USH2A: variants seen among roughly 807,000 people sequenced by gnomAD.
USH2A encodes the protein usherin, also known as Usher syndrome 2A (autosomal recessive, mild).
Under a neutral mutation model 538.9 loss-of-function variants are expected in USH2A, and 443 were observed. The ratio of observed to expected loss-of-function variants is 0.82; its 90% confidence interval spans 0.76 to 0.89. USH2A has a LOEUF of 0.89. Among genes scored for constraint, USH2A ranks in the 40% least tolerant of loss-of-function variants. USH2A has a pLI of 0.00. For missense variants in USH2A, 6,633 were observed against 6,324.8 expected (o/e 1.05, Z -1.65); for synonymous variants, 2,413 against 2,273.5 (o/e 1.06, Z -1.75).
chr1:216,122,035 G>T (rs902197224), intron 21 of USH2A, among the ~76,000 whole-genome samples: 1 of 152,074 alleles, frequency 6.6e-6, no homozygotes. Flanking sequence ...AAAAAGGACC[G>T]CAAACACAAA....
intron 21 of USH2A, among the ~76,000 whole-genome samples, chr1:216,162,511 A>C (rs2034079902): frequency 6.6e-6 from 1 of 152,100 alleles, no homozygotes; most frequent in Non-Finnish European, 1.5e-5. Context: ...GATGACGCAT[A>C]GTAAAACCTC....
intron 43 of USH2A, among the ~76,000 whole-genome samples, chr1:215,869,175 C>T (rs990000882): frequency 3.9e-5 from 6 of 152,036 alleles, no homozygotes; most frequent in African/African-American, 1.4e-4. Context: ...ATAAGAAAAA[C>T]AAGGCTCAGA....
chr1:216,045,951 T>C (rs1004398476), intron 32 of USH2A, among the ~76,000 whole-genome samples: 7 of 151,466 alleles, frequency 4.6e-5, no homozygotes, highest in Admixed American at 4.6e-4. Context: ...GAGATAAAAA[T>C]AAGCAACCCA....
chr1:216,161,611 G>A (rs986417718), intron 21 of USH2A, among the ~76,000 whole-genome samples: 3 of 151,854 alleles, frequency 2.0e-5, no homozygotes, highest in African/African-American at 7.3e-5. Context: ...CATTTCTAGA[G>A]GTTTGCACTC....
chr1:215,952,528 T>C (rs944753222), intron 37 of USH2A, among the ~76,000 whole-genome samples: 1 of 152,232 alleles, frequency 6.6e-6, no homozygotes, highest in Non-Finnish European at 1.5e-5. Context: ...TGGTTGTTCC[T>C]TTCCATGTTG....
rs534779006 is a variant in USH2A, at chr1:216,390,902, T to C, written c.652-25817A>G. Among the ~76,000 whole-genome samples, 10 of 152,324 alleles carry C rather than the reference T, an allele frequency of 6.6e-5. No homozygotes were observed. The South Asian group carries it at 2.1e-3, about 32-fold the overall frequency. On this transcript the variant is annotated intron_variant, in intron 3 of 71. Coordinates refer to ENST00000307340, the MANE Select transcript of USH2A (RefSeq NM_206933.4). ...ATTAAAACTGGAGGGGTGCAAGTTA[T>C]TTTTATTAAAATAATTAAATTGAAT...
intron 21 of USH2A, among the ~76,000 whole-genome samples, chr1:216,152,578 C>T (rs1217839655): frequency 6.6e-6 from 1 of 152,166 alleles, no homozygotes; most frequent in Non-Finnish European, 1.5e-5. Flanking sequence ...ACCCTTATCT[C>T]CCTTCACTGA....
In USH2A at chr1:215,680,170, C is replaced by T. The variant is rs751834009; in HGVS notation, c.12273G>A (p.Met4091Ile). 19 of 1,614,002 alleles carry T rather than the reference C, an allele frequency of 1.2e-5. No individual in the cohort carries two copies. Among genetic ancestry groups the T allele is most frequent in the Admixed American group, 6.7e-5 (4 of 59,992 alleles). The change falls in exon 62 of 72, where the codon ATG (methionine) becomes ATA (isoleucine). Residue 4091 changes from methionine to isoleucine, a missense_variant. Transcript: ENST00000307340. ...TTACCTTAATCACACCATTGGTTCTCATAGGTTCTGACCACTGTAGTAGCA... is the reference window on the plus strand; with the variant it reads ...TTACCTTAATCACACCATTGGTTCTTATAGGTTCTGACCACTGTAGTAGCA... ...RALLLQWSEP[M>I]RTNGVIKTYN...
At chr1:216,125,606 T>C (rs974642060) in intron 21 of USH2A, among the ~76,000 whole-genome samples, 1 of 152,228 alleles carries the variant, frequency 6.6e-6, no homozygotes, top group Non-Finnish European at 1.5e-5. Context: ...TTCAAATAGT[T>C]TGAGTTGCCA....
chr1:216,385,647 TTA>T (rs1002280558), intron 3 of USH2A, among the ~76,000 whole-genome samples: 12 of 152,220 alleles, frequency 7.9e-5, no homozygotes, highest in African/African-American at 2.9e-4. Context: ...AAAGGCTGTT[TTA>T]ATAAGATCCC....
chr1:216,084,576 CTAAG>C (rs778698017), intron 25 of USH2A, 118 bp downstream of exon 25: 65 of 1,001,784 alleles, frequency 6.5e-5, no homozygotes, highest in African/African-American at 9.7e-5. Context: ...ATTGGAATAA[CTAAG>C]TATTTCTGTG....
rs75371846 is a variant in USH2A, at chr1:215,892,284, C to T, written c.7595-3230G>A. Among the ~76,000 whole-genome samples, 513 of 152,208 alleles carry T rather than the reference C, an allele frequency of 3.4e-3. 4 individuals are homozygous for T. The highest frequency in any genetic ancestry group is 0.012 in the African/African-American group (494 of 41,560). ...TTCGAGTTACCCATGACTGATCAGT[C>T]AGTTTTCTTGTTACATTCTCATTGT... is the stretch of plus-strand genomic sequence containing the variant. On this transcript the variant is annotated intron_variant, in intron 40 of 71. Transcript: ENST00000307340.
Position 215,995,726 on chromosome 1 carries a change from G to A in USH2A, c.6658-2559C>T, listed in dbSNP as rs116351224. 4.5e-3 allele frequency among the ~76,000 whole-genome samples: 685 copies of A among 152,224 alleles called. 6 individuals are homozygous for A. The highest frequency in any genetic ancestry group is 0.015 in the African/African-American group (635 of 41,540). On this transcript the variant is annotated intron_variant, in intron 34 of 71. Transcript: ENST00000307340. ...ATTAAAATAAGTTGTTTTAACCATC[G>A]CCTATAGCTTTTCTCAGTTACAGCC...
At chr1:215,793,435 T>A (rs970929713) in intron 50 of USH2A, among the ~76,000 whole-genome samples, 2 of 152,114 alleles carry the variant, frequency 1.3e-5, no homozygotes, top group South Asian at 2.1e-4. Context: ...TGGCAGAGCA[T>A]GAAAGAAAAG....
chr1:215,740,678 G>A (rs1225624072), intron 60 of USH2A, among the ~76,000 whole-genome samples: 1 of 152,130 alleles, frequency 6.6e-6, no homozygotes, highest in East Asian at 1.9e-4. Flanking sequence ...TTCCTCTCTG[G>A]AAAGACTATG....
intron 32 of USH2A, among the ~76,000 whole-genome samples, chr1:216,023,371 A>G (rs1668882989): frequency 6.9e-6 from 1 of 145,720 alleles, no homozygotes; most frequent in Admixed American, 7.2e-5. Context: ...GATAAAAGAG[A>G]CAGGAGATTT....
At chr1:215,811,424 T>G (rs1391962495) in intron 49 of USH2A, among the ~76,000 whole-genome samples, 1 of 152,094 alleles carries the variant, frequency 6.6e-6, no homozygotes, top group Non-Finnish European at 1.5e-5. Context: ...ACCAGCTATT[T>G]TTCACACTCT....
chr1:216,222,566 C>T (rs756082478), intron 14 of USH2A, among the ~76,000 whole-genome samples: 1 of 152,074 alleles, frequency 6.6e-6, no homozygotes, highest in African/African-American at 2.4e-5. Context: ...ATGTAATCTA[C>T]GGTCCTTATA....
rs140584451 is a variant in USH2A, at chr1:215,959,311, C to A, written c.7120+6006G>T. 7.5e-4 allele frequency among the ~76,000 whole-genome samples: 114 copies of A among 151,954 alleles called. 1 individual carries two copies. The East Asian group carries it at 0.012, about 17-fold the overall frequency. On this transcript the variant is annotated intron_variant, in intron 37 of 71. Transcript: ENST00000307340. ...CTAATTGGGTTTCTTTTTTTCAGGACCATCAGGTCTTATAAGCAAATAAAA... is the reference window on the plus strand; with the variant it reads ...CTAATTGGGTTTCTTTTTTTCAGGAACATCAGGTCTTATAAGCAAATAAAA...
Sources: gnomAD v4.1 joint callset for allele counts (sites outside exome capture counted in the v4.1 genomes callset) on GRCh38, gnomAD v4.1.1 for gene constraint, MANE v1.5 for transcripts, NCBI Gene and HGNC (gene_info 2026-07-23, HGNC 2026-07-21) for gene names.